Variants in CYSTM1 observed in about 807,000 individuals in gnomAD.
CYSTM1 encodes cysteine-rich transmembrane module-containing protein 1.
CYSTM1 carries 4 observed loss-of-function variants against 13.1 expected under a neutral mutation model. The ratio of observed to expected loss-of-function variants is 0.31; its 90% CI spans 0.15 to 0.70. The LOEUF (loss-of-function observed/expected upper bound fraction) is 0.70, where lower values mean the gene tolerates loss of function less well. Ranked by LOEUF, CYSTM1 falls within the 30% of genes least tolerant of loss-of-function variation. CYSTM1 has a pLI of 0.72. For synonymous variants in CYSTM1, 36 were observed against 42.7 expected (o/e 0.84, Z 0.62); for missense variants, 96 against 121.6 (o/e 0.79, Z 0.99).
At chr5:140,188,806 A>T (rs990431374) in intron 1 of CYSTM1, among the ~76,000 whole-genome samples, 6 of 151,524 alleles carry the variant, frequency 4.0e-5, no homozygotes, top group African/African-American at 1.5e-4. Flanking sequence ...AGAAATACAG[A>T]TGAGTATAAT....
chr5:140,233,245 GGT>G (rs2126671321), intron 2 of CYSTM1, among the ~76,000 whole-genome samples: 1 of 152,302 alleles, frequency 6.6e-6, no homozygotes, highest in South Asian at 2.1e-4. Flanking sequence ...TGGGATGGTA[GGT>G]TTTGCCCTGG....
chr5:140,218,724 A>G (rs906736107), intron 2 of CYSTM1, among the ~76,000 whole-genome samples: 3 of 152,192 alleles, frequency 2.0e-5, no homozygotes, highest in South Asian at 2.1e-4. Context: ...CAAACATACT[A>G]TCCAGGAGGG....
chr5:140,177,063 T>C (rs71592119), intron 1 of CYSTM1, among the ~76,000 whole-genome samples: 28,871 of 103,864 alleles, frequency 0.28, 3,383 homozygotes, highest in African/African-American at 0.32. Context: ...AGCGAGACTC[T>C]GTCTCAAAAA....
intron 2 of CYSTM1, among the ~76,000 whole-genome samples, chr5:140,231,104 T>C (rs1764612851): frequency 6.6e-6 from 1 of 152,244 alleles, no homozygotes; most frequent in African/African-American, 2.4e-5. Flanking sequence ...AAGTAATCTC[T>C]CAATTTATTT....
At position 140,226,592 on chromosome 5, in the gene CYSTM1, A is replaced by G. The variant is rs1358056653; in HGVS notation, c.188-16713A>G. Among the ~76,000 whole-genome samples the G allele has an allele frequency of 4.0e-5, 4 of 101,144 alleles. 1 individual carries two copies. The East Asian group carries it at 9.3e-4, about 24-fold the overall frequency. 66.4% of individuals were successfully genotyped at this position (101,144 alleles called of 152,430 possible). On this transcript the variant is annotated intron_variant, in intron 2 of 2. Transcript: ENST00000261811. Reference sequence around the variant, plus strand: ...ATATATTATATACTAAATATTATATATATATATATATATATATATAAAAAT... The same window carrying G: ...ATATATTATATACTAAATATTATATGTATATATATATATATATATAAAAAT...
At chr5:140,216,604 C>T in intron 2 of CYSTM1, among the ~76,000 whole-genome samples, 1 of 152,200 alleles carries the variant, frequency 6.6e-6, no homozygotes, top group East Asian at 1.9e-4. Context: ...GAAATATTTA[C>T]TTTCCTATCA....
chr5:140,207,247 A>G (rs1764309885), intron 2 of CYSTM1, among the ~76,000 whole-genome samples: 1 of 152,096 alleles, frequency 6.6e-6, no homozygotes, highest in Non-Finnish European at 1.5e-5. Context: ...CCTCAACTAG[A>G]AGACAGGCTG....
intron 2 of CYSTM1, among the ~76,000 whole-genome samples, chr5:140,209,253 G>A (rs1764334520): frequency 6.7e-6 from 1 of 149,440 alleles, no homozygotes; most frequent in African/African-American, 2.5e-5. Flanking sequence ...AAGACTGCTC[G>A]TACTTTCTTT....
At chr5:140,195,275 G>A (rs1358971585) in intron 2 of CYSTM1, among the ~76,000 whole-genome samples, 1 of 152,062 alleles carries the variant, frequency 6.6e-6, no homozygotes, top group Non-Finnish European at 1.5e-5. Context: ...GAGCAATTTG[G>A]TTTTGCTGTG....
chr5:140,184,297 G>C (rs2126653451), intron 1 of CYSTM1, among the ~76,000 whole-genome samples: 1 of 151,826 alleles, frequency 6.6e-6, no homozygotes. Flanking sequence ...TATAGCAGCA[G>C]TTCCATGGAT....
chr5:140,198,703 G>A (rs531322847), intron 2 of CYSTM1, among the ~76,000 whole-genome samples: 2 of 152,208 alleles, frequency 1.3e-5, no homozygotes, highest in South Asian at 2.1e-4. Flanking sequence ...TGGTATATTC[G>A]ACATACAATT....
chr5:140,207,443 AT>A (rs1397919649), intron 2 of CYSTM1, among the ~76,000 whole-genome samples: 1 of 152,002 alleles, frequency 6.6e-6, no homozygotes, highest in Non-Finnish European at 1.5e-5. Flanking sequence ...GGTGTAGACG[AT>A]TTGCCACTGT....
At position 140,230,092 on chromosome 5, in the gene CYSTM1, G is replaced by A. The variant is rs1190040779; in HGVS notation, c.188-13213G>A. 6.6e-6 allele frequency among the ~76,000 whole-genome samples: 1 copy of A among 152,060 alleles called. No individual in the cohort carries two copies. Among genetic ancestry groups the A allele is most frequent in the Non-Finnish European group, 1.5e-5 (1 of 68,010 alleles). On this transcript the variant is annotated intron_variant, in intron 2 of 2. Transcript: ENST00000261811. This position sits in a 1 kb window ranked among gnomAD's most constrained non-coding sequence, Gnocchi z 4.1. Reference sequence around the variant, plus strand: ...TCACCATGTTGGTCAGTATGGTCTCGAACTCCTGACCTCAGGTGATCCATC... The same window carrying A: ...TCACCATGTTGGTCAGTATGGTCTCAAACTCCTGACCTCAGGTGATCCATC...
intron 1 of CYSTM1, among the ~76,000 whole-genome samples, chr5:140,186,678 C>T (rs1050479196): frequency 6.6e-6 from 1 of 152,226 alleles, no homozygotes; most frequent in Non-Finnish European, 1.5e-5. Context: ...ACCATTATCT[C>T]AGCAGCACCT....
At chr5:140,177,078 A>AAC (rs1763899377) in intron 1 of CYSTM1, among the ~76,000 whole-genome samples, 3 of 135,542 alleles carry the variant, frequency 2.2e-5, no homozygotes, top group African/African-American at 7.9e-5. Flanking sequence ...CAAAAAAAAA[A>AAC]AAAAAAAAAT....
At chr5:140,182,713 G>A (rs1328094094) in intron 1 of CYSTM1, among the ~76,000 whole-genome samples, 1 of 151,666 alleles carries the variant, frequency 6.6e-6, no homozygotes, top group Non-Finnish European at 1.5e-5. Context: ...TGTTGCTAAT[G>A]ATAGAAACTG....
chr5:140,194,510 G>A lies in CYSTM1; in HGVS notation c.45G>A (p.Thr15=), dbSNP rs148748004. 1.6e-4 allele frequency: 257 copies of A among 1,610,356 alleles called. No homozygotes were observed. In the African/African-American group the frequency reaches 2.7e-3, roughly 17 times the overall value. The change falls in exon 2 of 3, where the codon ACG becomes ACA. Residue 15 remains threonine, a synonymous_variant. Coordinates refer to ENST00000261811, the MANE Select transcript of CYSTM1 (RefSeq NM_032412.4). ...CACCATATCCAGGCCCTGGTCCAAC[G>A]GCCCCATACCCACCTTATCCACCAC... ...NPPPYPGPGP[T]APYPPYPPQP...
At chr5:140,197,874 G>T (rs1764175714) in intron 2 of CYSTM1, among the ~76,000 whole-genome samples, 1 of 152,148 alleles carries the variant, frequency 6.6e-6, no homozygotes, top group Admixed American at 6.5e-5. Context: ...GCTTAATAAA[G>T]GTGTGATGAA....
chr5:140,208,777 C>A (rs1043862549), intron 2 of CYSTM1, among the ~76,000 whole-genome samples: 2 of 152,108 alleles, frequency 1.3e-5, no homozygotes, highest in Non-Finnish European at 2.9e-5. Flanking sequence ...TGGTGGCTCA[C>A]GCCTATAATC....
Sources: gnomAD v4.1 joint callset for allele counts (sites outside exome capture counted in the v4.1 genomes callset) on GRCh38, gnomAD v4.1.1 for gene constraint, Gnocchi (gnomAD v3.1) non-coding constraint, MANE v1.5 for transcripts, NCBI Gene and HGNC (gene_info 2026-07-23, HGNC 2026-07-21) for gene names.